Variants in PINX1 observed in about 807,000 individuals in gnomAD.
The protein encoded by PINX1 is PIN2 (TERF1) interacting telomerase inhibitor 1, also known as PIN2/TERF1-interacting telomerase inhibitor 1.
In PINX1, 34 loss-of-function variants were observed where a neutral mutation model predicts 25.4. That is an observed-to-expected ratio of 1.34 (90% CI 1.02 to 1.78). PINX1 has a LOEUF of 1.78. Among genes scored for constraint, PINX1 ranks in the 40% most tolerant of loss-of-function variants. The pLI is 0.00. For synonymous variants in PINX1, 197 were observed against 147.7 expected (o/e 1.33, Z -2.42); for missense variants, 592 against 404.9 (o/e 1.46, Z -3.97).
At chr8:10,770,548 A>T (rs559765872) in intron 6 of PINX1, among the ~76,000 whole-genome samples, 2 of 152,280 alleles carry the variant, frequency 1.3e-5, no homozygotes, top group Admixed American at 1.3e-4. Flanking sequence ...CAGCTACATG[A>T]GTGAGTATCT....
intron 6 of PINX1, among the ~76,000 whole-genome samples, chr8:10,800,166 A>T (rs1395645090): frequency 2.6e-5 from 4 of 152,162 alleles, no homozygotes; most frequent in Non-Finnish European, 4.4e-5. Flanking sequence ...ACAAAGTGAG[A>T]CCTTGGGTGC....
chr8:10,816,741 A>T (rs529300433), intron 6 of PINX1, among the ~76,000 whole-genome samples: 1 of 152,350 alleles, frequency 6.6e-6, no homozygotes, highest in African/African-American at 2.4e-5. Flanking sequence ...ACCCCCTTCA[A>T]TGTAGATTTT....
chr8:10,800,964 G>C (rs1293830344), intron 6 of PINX1, among the ~76,000 whole-genome samples: 1 of 152,200 alleles, frequency 6.6e-6, no homozygotes, highest in Admixed American at 6.5e-5. Context: ...GAGTCAGTGT[G>C]AGATGGCGGC....
At chr8:10,821,602 G>A (rs1474758410) in intron 5 of PINX1, among the ~76,000 whole-genome samples, 12 of 152,206 alleles carry the variant, frequency 7.9e-5, no homozygotes, top group African/African-American at 2.4e-5. Flanking sequence ...AAAATGAACC[G>A]GGAAAGTGGG....
chr8:10,825,250 C>T, intron 5 of PINX1: 1 of 479,694 alleles, frequency 2.1e-6, no homozygotes, highest in South Asian at 1.5e-5. Context: ...AAGAGCTTCC[C>T]AGCAATGCCC....
intron 6 of PINX1, among the ~76,000 whole-genome samples, chr8:10,769,235 G>A (rs1034414269): frequency 4.6e-5 from 7 of 152,060 alleles, no homozygotes; most frequent in Non-Finnish European, 7.4e-5. Context: ...TCAGCTAAAG[G>A]AGGTTTTTGC....
intron 6 of PINX1, among the ~76,000 whole-genome samples, chr8:10,807,275 T>C (rs1802480290): frequency 6.7e-6 from 1 of 150,356 alleles, no homozygotes; most frequent in Admixed American, 6.7e-5. Context: ...ACAGCAAAAC[T>C]TACCTTATAA....
At chr8:10,770,140 C>A (rs1197630119) in intron 6 of PINX1, among the ~76,000 whole-genome samples, 3 of 152,210 alleles carry the variant, frequency 2.0e-5, no homozygotes, top group African/African-American at 7.2e-5. Context: ...TCCAAACCTT[C>A]CACCCAGGCA....
intron 6 of PINX1, among the ~76,000 whole-genome samples, chr8:10,770,911 C>A (rs1480383155): frequency 3.3e-5 from 5 of 152,178 alleles, no homozygotes; most frequent in Admixed American, 3.3e-4. Flanking sequence ...GGTCATGCTG[C>A]AACAGTAATC....
In PINX1 at chr8:10,839,779, C is replaced by T. The variant is rs750036311; in HGVS notation, c.-23G>A. The T allele has an allele frequency of 2.5e-6, 4 of 1,599,230 alleles. No homozygotes were observed. Among genetic ancestry groups the T allele is most frequent in the East Asian group, 2.3e-5 (1 of 44,156 alleles). Reference sequence around the variant, plus strand: ...CATGTCGGAGAGCCTGTGATACCGCCGCCTCTGGACCTGGGTGACTGCGGC... The same window carrying T: ...CATGTCGGAGAGCCTGTGATACCGCTGCCTCTGGACCTGGGTGACTGCGGC... On this transcript the variant is annotated 5_prime_UTR_variant, in exon 1 of 7. Transcript: ENST00000314787.
At chr8:10,772,483 G>C (rs1801257435) in intron 6 of PINX1, among the ~76,000 whole-genome samples, 1 of 152,192 alleles carries the variant, frequency 6.6e-6, no homozygotes, top group African/African-American at 2.4e-5. Flanking sequence ...AACACCCAGT[G>C]TTTTATTGAT....
At chr8:10,807,524 T>C (rs1177840322) in intron 6 of PINX1, among the ~76,000 whole-genome samples, 2 of 151,998 alleles carry the variant, frequency 1.3e-5, no homozygotes, top group East Asian at 3.9e-4. Context: ...ACCAAGTGCC[T>C]GGTGAATAAA....
At chr8:10,823,529 C>CA (rs1797940378) in intron 5 of PINX1, among the ~76,000 whole-genome samples, 1 of 151,548 alleles carries the variant, frequency 6.6e-6, no homozygotes, top group Non-Finnish European at 1.5e-5. Flanking sequence ...AAAAAAAATA[C>CA]AAAAAACTAC....
chr8:10,768,278 G>A (rs1801121106), intron 6 of PINX1, among the ~76,000 whole-genome samples: 1 of 152,240 alleles, frequency 6.6e-6, no homozygotes, highest in Admixed American at 6.5e-5. Flanking sequence ...TTTGAGGCTG[G>A]AACTCAGATC....
intron 6 of PINX1, among the ~76,000 whole-genome samples, chr8:10,782,541 A>T (rs1469503720): frequency 1.3e-5 from 2 of 152,016 alleles, no homozygotes; most frequent in Admixed American, 1.3e-4. Context: ...TTCAAGACCA[A>T]CGTGGCCAAT....
chr8:10,820,285 G>C lies in PINX1; in HGVS notation c.395-16C>G. 1 of 1,567,250 alleles carries C rather than the reference G, an allele frequency of 6.4e-7. No homozygotes were observed. The highest frequency in any genetic ancestry group is 8.8e-7 in the Non-Finnish European group (1 of 1,138,646). On this transcript the variant is annotated splice_polypyrimidine_tract_variant and intron_variant, in intron 5 of 6. Coordinates refer to ENST00000314787, the MANE Select transcript of PINX1 (RefSeq NM_017884.6). The stretch of plus-strand genomic sequence containing the variant: ...AGATCCTTCCCTAGAAAAACAATGT[G>C]ATGCTTTTCAGTAAGACTGTTCTTC...
intron 6 of PINX1, among the ~76,000 whole-genome samples, chr8:10,818,087 C>G (rs1359977493): frequency 2.6e-5 from 4 of 152,122 alleles, no homozygotes; most frequent in Admixed American, 6.5e-5. Flanking sequence ...AGAACTATGG[C>G]TACAGACGGA....
At position 10,785,670 on chromosome 8, in the gene PINX1, A is replaced by ATATT. The variant is rs573239369; in HGVS notation, c.472-19755_472-19754insAATA. Among the ~76,000 whole-genome samples, 20 of 152,348 alleles carry ATATT rather than the reference A, an allele frequency of 1.3e-4. No individual in the cohort carries two copies. The East Asian group carries it at 3.9e-3, about 29-fold the overall frequency. ...AAAAGTTCTCAAACCCCAAACTCAA[A>ATATT]TAAGAAAGATCTTAAATACAAATGC... On this transcript the variant is annotated intron_variant, in intron 6 of 6. Transcript: ENST00000314787.
intron 1 of PINX1, among the ~76,000 whole-genome samples, chr8:10,835,906 T>C (rs1378139187): frequency 3.3e-5 from 5 of 152,128 alleles, no homozygotes; most frequent in African/African-American, 1.2e-4. Flanking sequence ...TGAACTCCAG[T>C]TTATCACTGT....
Sources: allele counts gnomAD v4.1 joint callset (sites outside exome capture counted in the v4.1 genomes callset), GRCh38; gene constraint gnomAD v4.1.1; transcripts MANE v1.5; gene names NCBI Gene and HGNC (gene_info 2026-07-23, HGNC 2026-07-21).